The following MB21D2 variants were observed in gnomAD, a reference collection of about 807,000 sequenced individuals.
The protein encoded by MB21D2 is Mab-21 domain containing 2.
In MB21D2, 9 loss-of-function variants were observed where a neutral mutation model predicts 33.3. The ratio of observed to expected loss-of-function variants is 0.27; its 90% CI spans 0.16 to 0.47. MB21D2 has a LOEUF of 0.47. MB21D2 is among the 20% of genes least tolerant of loss of function. The pLI, the probability that MB21D2 is intolerant of heterozygous loss-of-function variation, is 0.99. For missense variants in MB21D2, 540 were observed against 624.6 expected, an observed-to-expected ratio of 0.86 and a Z score of 1.44; for synonymous variants, 241 against 236.3, an observed-to-expected ratio of 1.02 and a Z score of -0.18.
In MB21D2 at chr3:192,834,809, C is replaced by CTTT. The variant is rs71177378; in HGVS notation, c.212-35162_212-35160dup. 1.9e-3 allele frequency among the ~76,000 whole-genome samples: 231 copies of CTTT among 119,812 alleles called. 3 individuals are homozygous for CTTT. The highest frequency in any genetic ancestry group is 4.9e-3 in the East Asian group (21 of 4,250). 78.6% of individuals were successfully genotyped at this position (119,812 alleles called of 152,430 possible). On this transcript the variant is annotated intron_variant, in intron 1 of 1. Transcript: ENST00000392452. ...GGTACAGATGTTTGAGAGGATTGTTCTTTTTTTTTTTTTTTTTTTTGAGAC... is the reference window on the plus strand; with the variant it reads ...GGTACAGATGTTTGAGAGGATTGTTCTTTTTTTTTTTTTTTTTTTTTTTGAGAC...
chr3:192,837,270 A>G (rs906864968), intron 1 of MB21D2, among the ~76,000 whole-genome samples: 4 of 152,134 alleles, frequency 2.6e-5, no homozygotes, highest in African/African-American at 9.7e-5. Flanking sequence ...GGGCCTTCTG[A>G]AGTTTGTAAA....
chr3:192,868,197 T>C (rs534993256), intron 1 of MB21D2, among the ~76,000 whole-genome samples: 1 of 152,362 alleles, frequency 6.6e-6, no homozygotes, highest in African/African-American at 2.4e-5. Context: ...TGTGTGCCAG[T>C]GGTCCTCCAG....
intron 1 of MB21D2, among the ~76,000 whole-genome samples, chr3:192,875,904 G>A (rs1443636193): frequency 2.0e-5 from 3 of 152,060 alleles, no homozygotes; most frequent in Admixed American, 6.6e-5. Flanking sequence ...TTTTTTAGAG[G>A]TTACTAAACC....
At chr3:192,910,766 C>T (rs990087562) in intron 1 of MB21D2, among the ~76,000 whole-genome samples, 1 of 152,098 alleles carries the variant, frequency 6.6e-6, no homozygotes, top group Admixed American at 6.6e-5. Context: ...AATGGTGATT[C>T]AAGTTTAGGA....
At chr3:192,860,929 T>C (rs1337198011) in intron 1 of MB21D2, among the ~76,000 whole-genome samples, 1 of 152,208 alleles carries the variant, frequency 6.6e-6, no homozygotes, top group Non-Finnish European at 1.5e-5. Flanking sequence ...CATAAGCTGA[T>C]GATTTCTGAA....
intron 1 of MB21D2, among the ~76,000 whole-genome samples, chr3:192,843,680 T>A (rs976937610): frequency 6.6e-6 from 1 of 152,184 alleles, no homozygotes; most frequent in Admixed American, 6.5e-5. Flanking sequence ...CTAAAAATTG[T>A]AACAGAAAAC....
chr3:192,856,498 A>G (rs1712919261), intron 1 of MB21D2, among the ~76,000 whole-genome samples: 1 of 152,136 alleles, frequency 6.6e-6, no homozygotes, highest in Non-Finnish European at 1.5e-5. Context: ...CTACCTCAGC[A>G]CCTGGCATTG....
At chr3:192,822,049 A>G (rs1237219736) in intron 1 of MB21D2, among the ~76,000 whole-genome samples, 2 of 152,170 alleles carry the variant, frequency 1.3e-5, no homozygotes, top group African/African-American at 4.8e-5. Context: ...TTACATGGAA[A>G]TACGTGATCT....
At chr3:192,823,502 A>C (rs917337338) in intron 1 of MB21D2, among the ~76,000 whole-genome samples, 2 of 151,728 alleles carry the variant, frequency 1.3e-5, no homozygotes, top group African/African-American at 4.9e-5. Flanking sequence ...AAAACTACAA[A>C]AAATTAGCCG....
chr3:192,823,839 G>A (rs537036516), intron 1 of MB21D2, among the ~76,000 whole-genome samples: 1 of 152,002 alleles, frequency 6.6e-6, no homozygotes, highest in African/African-American at 2.4e-5. Flanking sequence ...GATTAACAGA[G>A]TAAAAAAAAA....
chr3:192,914,743 G>C (rs1714426651), intron 1 of MB21D2, among the ~76,000 whole-genome samples: 1 of 148,056 alleles, frequency 6.8e-6, no homozygotes, highest in African/African-American at 2.7e-5. Flanking sequence ...TACAAACAGA[G>C]AGCATCAGGA....
intron 1 of MB21D2, among the ~76,000 whole-genome samples, chr3:192,842,653 A>AG (rs1712599670): frequency 6.6e-6 from 1 of 152,222 alleles, no homozygotes; most frequent in South Asian, 2.1e-4. Context: ...AATCCTTTAT[A>AG]ACACTGACAG....
intron 1 of MB21D2, among the ~76,000 whole-genome samples, chr3:192,862,216 T>G (rs561840252): frequency 2.0e-4 from 31 of 152,320 alleles, no homozygotes; most frequent in African/African-American, 7.2e-4. Context: ...CTGAAAGTTC[T>G]GCCAACGTGG....
At chr3:192,816,717 A>C (rs771065690) in intron 1 of MB21D2, among the ~76,000 whole-genome samples, 76 of 152,180 alleles carry the variant, frequency 5.0e-4, no homozygotes, top group Non-Finnish European at 9.6e-4. Context: ...AGGAAGACAG[A>C]AAAGAAGGAT....
intron 1 of MB21D2, among the ~76,000 whole-genome samples, chr3:192,884,115 T>A (rs1713668449): frequency 6.6e-6 from 1 of 152,096 alleles, no homozygotes; most frequent in African/African-American, 2.4e-5. Flanking sequence ...GTATATCAGA[T>A]GGGACATTCC....
intron 1 of MB21D2, among the ~76,000 whole-genome samples, chr3:192,887,948 C>T (rs556266334): frequency 3.9e-5 from 6 of 152,068 alleles, no homozygotes; most frequent in South Asian, 2.1e-4. Flanking sequence ...TGCTGGTTCA[C>T]GGGTCCCATA....
At chr3:192,905,788 G>A (rs374776700) in intron 1 of MB21D2, among the ~76,000 whole-genome samples, 1 of 143,408 alleles carries the variant, frequency 7.0e-6, no homozygotes, top group African/African-American at 2.6e-5. Context: ...AGCCGAGATC[G>A]CACCACTGCA....
intron 1 of MB21D2, among the ~76,000 whole-genome samples, chr3:192,839,102 C>G (rs1197543889): frequency 6.6e-6 from 1 of 151,974 alleles, no homozygotes; most frequent in Non-Finnish European, 1.5e-5. Context: ...GATTGGGAGG[C>G]AAGGATTTTG....
At position 192,799,494 on chromosome 3, in the gene MB21D2, G is replaced by A; in HGVS notation, c.368C>T (p.Pro123Leu). 1 of 1,614,216 alleles carries A rather than the reference G, an allele frequency of 6.2e-7. No homozygotes were observed. The highest frequency in any genetic ancestry group is 1.3e-5 in the African/African-American group (1 of 75,062). The stretch of plus-strand genomic sequence containing the variant: ...ATTACGGTCATGCAGCTTGAGGGCT[G>A]GCACCAAGAGGGTAAAGTCCATATC... ...DYDMDFTLLVPALKLHDRNQP... is the reference protein window; with the variant it reads ...DYDMDFTLLVLALKLHDRNQP... The change falls in exon 2 of 2, where the codon CCA becomes CTA. Residue 123 changes from proline (P) to leucine (L), a missense_variant. Pro to Leu is a moderately conservative substitution (Grantham distance 98). Transcript: ENST00000392452. This position sits in a 1 kb window ranked among gnomAD's most constrained non-coding sequence, Gnocchi z 4.1.
Sources: allele counts gnomAD v4.1 joint callset (sites outside exome capture counted in the v4.1 genomes callset), GRCh38; gene constraint gnomAD v4.1.1; non-coding constraint Gnocchi (gnomAD v3.1); transcripts MANE v1.5; gene names NCBI Gene and HGNC (gene_info 2026-07-23, HGNC 2026-07-21).